HSD11B1: variants seen among roughly 807,000 people sequenced by gnomAD.
HSD11B1 encodes the protein hydroxysteroid 11-beta dehydrogenase 1, also known as 11-beta-hydroxysteroid dehydrogenase 1.
HSD11B1 carries 15 observed loss-of-function variants against 22.1 expected under a neutral mutation model. The ratio of observed to expected loss-of-function variants is 0.68; its 90% CI spans 0.45 to 1.04. HSD11B1 has a LOEUF of 1.04. Among genes scored for constraint, HSD11B1 ranks in the 50% least tolerant of loss-of-function variants. The pLI, the probability that HSD11B1 is intolerant of heterozygous loss-of-function variation, is 0.00. For missense variants in HSD11B1, 281 were observed against 357.6 expected, an observed-to-expected ratio of 0.79 and a Z score of 1.73; for synonymous variants, 122 against 125.2, an observed-to-expected ratio of 0.97 and a Z score of 0.17.
Position 209,712,961 on chromosome 1 carries a change from A to T in HSD11B1, c.517+5833A>T, listed in dbSNP as rs529573503. On this transcript the variant is annotated intron_variant, in intron 4 of 5. Transcript: ENST00000367027. ...CTACTTGGGAGGCTGAGGCAGGAGA[A>T]TCGCTTGAACCTGGGAGGTGGAGGT... Among the ~76,000 whole-genome samples the T allele has an allele frequency of 2.0e-5, 3 of 152,270 alleles. No homozygotes were observed. In the South Asian group the frequency reaches 6.2e-4, roughly 32 times the overall value.
chr1:209,689,528 G>T (rs560506299), intron 1 of HSD11B1, among the ~76,000 whole-genome samples: 48 of 152,324 alleles, frequency 3.2e-4, no homozygotes, highest in African/African-American at 1.1e-3. Context: ...TGGAAGTGGG[G>T]CCTGATGTGA....
intron 4 of HSD11B1, among the ~76,000 whole-genome samples, chr1:209,725,985 G>A (rs1006200376): frequency 2.6e-5 from 4 of 152,088 alleles, no homozygotes; most frequent in Admixed American, 6.6e-5. Context: ...AAGGCTAATC[G>A]TTTTTCAGTA....
At chr1:209,713,049 CA>C (rs796350368) in intron 4 of HSD11B1, among the ~76,000 whole-genome samples, 9 of 150,132 alleles carry the variant, frequency 6.0e-5, no homozygotes, top group Admixed American at 1.3e-4. Flanking sequence ...AACTCCATCT[CA>C]AAAAAAAAGA....
At chr1:209,700,542 G>T (rs2076820445), upstream of HSD11B1, among the ~76,000 whole-genome samples, 1 of 152,222 alleles carries the variant, frequency 6.6e-6, no homozygotes. Context: ...GATGGGAGGG[G>T]CTGCCATGAA....
intron 1 of HSD11B1, among the ~76,000 whole-genome samples, chr1:209,689,407 C>T (rs1303766213): frequency 6.6e-6 from 1 of 152,180 alleles, no homozygotes; most frequent in Admixed American, 6.5e-5. Context: ...AAGCCCTGCC[C>T]TCACACACAA....
intron 1 of HSD11B1, among the ~76,000 whole-genome samples, chr1:209,697,989 C>T (rs187000016): frequency 1.5e-5 from 2 of 136,022 alleles, no homozygotes; most frequent in East Asian, 2.3e-4. Context: ...TTTGGCCTCC[C>T]CAGTGGCTGG....
chr1:209,693,370 G>A (rs1281941125), intron 1 of HSD11B1, among the ~76,000 whole-genome samples: 1 of 152,204 alleles, frequency 6.6e-6, no homozygotes, highest in Non-Finnish European at 1.5e-5. Context: ...GAGAATTTAA[G>A]TTCCCACCTT....
intron 4 of HSD11B1, among the ~76,000 whole-genome samples, chr1:209,720,910 A>T (rs2076961098): frequency 6.6e-6 from 1 of 152,196 alleles, no homozygotes; most frequent in South Asian, 2.1e-4. Context: ...GATGTAGTTA[A>T]GTTAAGGATC....
chr1:209,716,752 G>A (rs767430370), intron 4 of HSD11B1, among the ~76,000 whole-genome samples: 2 of 151,980 alleles, frequency 1.3e-5, no homozygotes, highest in Admixed American at 6.6e-5. Flanking sequence ...GAAATAAACC[G>A]ATGTATTCAC....
At chr1:209,726,353 A>G (rs1317341970) in intron 4 of HSD11B1, among the ~76,000 whole-genome samples, 1 of 151,224 alleles carries the variant, frequency 6.6e-6, no homozygotes, top group Admixed American at 6.6e-5. Flanking sequence ...CTATAATCCC[A>G]GTATTTTGGG....
intron 4 of HSD11B1, among the ~76,000 whole-genome samples, chr1:209,732,084 C>T (rs1288401954): frequency 6.6e-6 from 1 of 152,092 alleles, no homozygotes; most frequent in East Asian, 1.9e-4. Context: ...ACCAAGTTGG[C>T]AGAGATAACT....
intron 4 of HSD11B1, among the ~76,000 whole-genome samples, chr1:209,727,011 C>T (rs1225694254): frequency 1.3e-5 from 2 of 152,114 alleles, no homozygotes; most frequent in Non-Finnish European, 2.9e-5. Flanking sequence ...ATCCTGTGAA[C>T]GTGACCTTAA....
At chr1:209,689,230 C>T (rs1442617663) in intron 1 of HSD11B1, among the ~76,000 whole-genome samples, 1 of 152,156 alleles carries the variant, frequency 6.6e-6, no homozygotes, top group Non-Finnish European at 1.5e-5. Context: ...CTCTACCCCT[C>T]TCCACCCACC....
At chr1:209,710,542 T>G (rs141399632) in intron 4 of HSD11B1, among the ~76,000 whole-genome samples, 137 of 152,354 alleles carry the variant, frequency 9.0e-4, no homozygotes, top group African/African-American at 3.2e-3. Flanking sequence ...AAATCCAACT[T>G]CCTCATCATT....
chr1:209,699,478 G>A (rs2076813482), intron 1 of HSD11B1, among the ~76,000 whole-genome samples: 2 of 152,084 alleles, frequency 1.3e-5, no homozygotes, highest in Admixed American at 1.3e-4. Context: ...GAGAGTAGCA[G>A]GGGAAAGACT....
At chr1:209,692,608 G>GGGGGTGGC (rs759595141) in intron 1 of HSD11B1, among the ~76,000 whole-genome samples, 1 of 11,008 alleles carries the variant, frequency 9.1e-5, no homozygotes, top group African/African-American at 4.1e-4. Flanking sequence ...TTAAAATGGC[G>GGGGGTGGC]GGGGGGGGGG....
Position 209,705,895 on chromosome 1 carries a change from G to A in HSD11B1, c.173G>A (p.Gly58Glu). Residue 58 changes from glycine to glutamate, a missense_variant, in exon 2 of 6, where the codon GGA becomes GAA. Coordinates refer to ENST00000367027, the MANE Select transcript of HSD11B1 (RefSeq NM_005525.4). ...ATGGCTTATCATCTGGCGAAGATGG[G>A]AGCCCATGTGGTGGTGACAGCGAGG... is the stretch of plus-strand genomic sequence containing the variant. ...REMAYHLAKM[G>E]AHVVVTARSK... 2 of 1,614,004 alleles carry A rather than the reference G, an allele frequency of 1.2e-6. No individual in the cohort carries two copies. Among genetic ancestry groups the A allele is most frequent in the Non-Finnish European group, 1.7e-6 (2 of 1,179,898 alleles).
intron 1 of HSD11B1, among the ~76,000 whole-genome samples, chr1:209,697,701 T>C (rs1210581573): frequency 6.6e-6 from 1 of 152,082 alleles, no homozygotes; most frequent in Admixed American, 6.6e-5. Flanking sequence ...GGGCTCCACT[T>C]TGGTAAAGGT....
At chr1:209,692,176 T>C (rs907906678) in intron 1 of HSD11B1, among the ~76,000 whole-genome samples, 1 of 152,028 alleles carries the variant, frequency 6.6e-6, no homozygotes, top group African/African-American at 2.4e-5. Flanking sequence ...AGCCATTAAG[T>C]CTCTAACAAG....
Sources: gnomAD v4.1 joint callset for allele counts (sites outside exome capture counted in the v4.1 genomes callset) on GRCh38, gnomAD v4.1.1 for gene constraint, MANE v1.5 for transcripts, NCBI Gene and HGNC (gene_info 2026-07-23, HGNC 2026-07-21) for gene names.